The following FHIP1A variants were observed in gnomAD, a reference collection of about 807,000 sequenced individuals.
FHIP1A encodes FHF complex subunit HOOK interacting protein 1A.
In FHIP1A, 61 loss-of-function variants were observed where a neutral mutation model predicts 88.6. The ratio of observed to expected loss-of-function variants is 0.69; its 90% confidence interval spans 0.56 to 0.85. The LOEUF (loss-of-function observed/expected upper bound fraction) is 0.85. Among genes scored for constraint, FHIP1A ranks in the 40% least tolerant of loss-of-function variants. The pLI is 0.00. For missense variants in FHIP1A, 1,154 were observed against 1,273.5 expected (o/e 0.91, Z 1.43); for synonymous variants, 478 against 496.0 (o/e 0.96, Z 0.48).
At chr4:151,573,855 A>G (rs976068857) in intron 4 of FHIP1A, among the ~76,000 whole-genome samples, 1 of 152,190 alleles carries the variant, frequency 6.6e-6, no homozygotes, top group East Asian at 1.9e-4. Flanking sequence ...AAAATAAGGA[A>G]AAGTCCAGGT....
intron 9 of FHIP1A, among the ~76,000 whole-genome samples, chr4:151,641,530 A>AT (rs1201627279): frequency 2.6e-5 from 4 of 152,198 alleles, no homozygotes; most frequent in Non-Finnish European, 5.9e-5. Flanking sequence ...ACATTATGAG[A>AT]TTTTTTTGCA....
rs527669063 is a variant in FHIP1A, at chr4:151,575,415, C to T, written c.106-2035C>T. Among the ~76,000 whole-genome samples the T allele has an allele frequency of 2.0e-5, 3 of 152,134 alleles. No individual in the cohort carries two copies. The East Asian group carries it at 5.8e-4, about 29-fold the overall frequency. On this transcript the variant is annotated intron_variant, in intron 4 of 13. Coordinates refer to ENST00000435205, the MANE Select transcript of FHIP1A (RefSeq NM_001109977.3). ...CAAAGGGATGGGAGAGAACCAGGTCCCAGTGTTGCTGCTGCTAGGAAGGTC... is the reference window on the plus strand; with the variant it reads ...CAAAGGGATGGGAGAGAACCAGGTCTCAGTGTTGCTGCTGCTAGGAAGGTC...
At chr4:151,462,223 A>G (rs1477752593) in intron 2 of FHIP1A, among the ~76,000 whole-genome samples, 1 of 152,172 alleles carries the variant, frequency 6.6e-6, no homozygotes, top group Non-Finnish European at 1.5e-5. Flanking sequence ...AATATGTATC[A>G]TTAAGGTCCT....
intron 8 of FHIP1A, among the ~76,000 whole-genome samples, chr4:151,636,138 A>G (rs561109087): frequency 2.0e-5 from 3 of 152,112 alleles, no homozygotes; most frequent in South Asian, 4.1e-4. Flanking sequence ...CAAGTGGGAT[A>G]TATCAAACTA....
At chr4:151,522,268 A>G (rs1731473900) in intron 3 of FHIP1A, among the ~76,000 whole-genome samples, 1 of 152,150 alleles carries the variant, frequency 6.6e-6, no homozygotes, top group African/African-American at 2.4e-5. Flanking sequence ...GATACAGGGT[A>G]TGGGGGCCAC....
chr4:151,556,976 G>A (rs140173189), intron 3 of FHIP1A, among the ~76,000 whole-genome samples: 12 of 152,056 alleles, frequency 7.9e-5, no homozygotes, highest in South Asian at 2.1e-4. Context: ...CAAATGCCTC[G>A]CTAAGGGATG....
chr4:151,495,623 TTC>T (rs1730432634), intron 3 of FHIP1A, among the ~76,000 whole-genome samples: 1 of 115,666 alleles, frequency 8.6e-6, no homozygotes, highest in Non-Finnish European at 1.9e-5. Flanking sequence ...TTGCTATATA[TTC>T]TTTTTTTTTT....
intron 7 of FHIP1A, among the ~76,000 whole-genome samples, chr4:151,590,546 C>T (rs968227045): frequency 6.6e-6 from 1 of 152,132 alleles, no homozygotes; most frequent in Non-Finnish European, 1.5e-5. Context: ...ATGTCTTCTC[C>T]ACAGTGGTAT....
rs1343707305 is a variant in FHIP1A at position 151,656,022 on chromosome 4, T to C, written c.2552-210T>C. ...CATGGAGTGAAAATGTCAGTAGCCA[T>C]GCCTATTTTTCTGTTTTCTTTTTGC... On this transcript the variant is annotated intron_variant, in intron 11 of 13. Coordinates refer to ENST00000435205, the MANE Select transcript of FHIP1A (RefSeq NM_001109977.3). This position sits in a 1 kb window ranked among gnomAD's most constrained non-coding sequence, Gnocchi z 4.2. 1.3e-5 allele frequency among the ~76,000 whole-genome samples: 2 copies of C among 152,164 alleles called. No homozygotes were observed. The highest frequency in any genetic ancestry group is 2.4e-5 in the African/African-American group (1 of 41,428).
chr4:151,505,322 A>G (rs1471269120), intron 3 of FHIP1A, among the ~76,000 whole-genome samples: 1 of 152,210 alleles, frequency 6.6e-6, no homozygotes, highest in Non-Finnish European at 1.5e-5. Flanking sequence ...GAGGCTATAG[A>G]CAAACATGAT....
At chr4:151,660,945 A>G (rs1163598101) in intron 13 of FHIP1A, among the ~76,000 whole-genome samples, 2 of 152,244 alleles carry the variant, frequency 1.3e-5, no homozygotes, top group African/African-American at 4.8e-5. Flanking sequence ...ACAGAGAGGT[A>G]AAGCAATTTG....
intron 3 of FHIP1A, among the ~76,000 whole-genome samples, chr4:151,542,269 A>G (rs4696266): frequency 0.29 from 44,126 of 151,970 alleles, 6,658 homozygotes; most frequent in Non-Finnish European, 0.34. Context: ...AAAAATAAGT[A>G]ATTGCACAAA....
intron 7 of FHIP1A, among the ~76,000 whole-genome samples, chr4:151,605,067 C>G (rs1052450048): frequency 6.6e-6 from 1 of 151,894 alleles, no homozygotes; most frequent in Admixed American, 6.6e-5. Context: ...GTGGGAGACC[C>G]GTAGAGAGTT....
intron 8 of FHIP1A, among the ~76,000 whole-genome samples, chr4:151,631,278 A>G (rs1344218290): frequency 6.6e-6 from 1 of 152,134 alleles, no homozygotes; most frequent in Non-Finnish European, 1.5e-5. Context: ...AATTACTAAA[A>G]TGAGAAATGA....
chr4:151,547,089 A>G (rs1732535049), intron 3 of FHIP1A, among the ~76,000 whole-genome samples: 1 of 152,194 alleles, frequency 6.6e-6, no homozygotes, highest in African/African-American at 2.4e-5. Flanking sequence ...ACCAGGAGAG[A>G]ATAGTGTGAC....
At chr4:151,571,309 C>T (rs1285233743) in intron 4 of FHIP1A, among the ~76,000 whole-genome samples, 1 of 152,166 alleles carries the variant, frequency 6.6e-6, no homozygotes, top group African/African-American at 2.4e-5. Context: ...TTCTTTCTAC[C>T]TTCAGCCTTT....
chr4:151,523,002 A>T (rs1731500677), intron 3 of FHIP1A, among the ~76,000 whole-genome samples: 1 of 152,200 alleles, frequency 6.6e-6, no homozygotes, highest in Non-Finnish European at 1.5e-5. Flanking sequence ...GATCATTTAT[A>T]CACTGTCACT....
At chr4:151,525,797 T>C (rs1731608808) in intron 3 of FHIP1A, among the ~76,000 whole-genome samples, 1 of 151,802 alleles carries the variant, frequency 6.6e-6, no homozygotes, top group Non-Finnish European at 1.5e-5. Flanking sequence ...CTTGGGTGTT[T>C]CTCGCAGAGG....
intron 3 of FHIP1A, among the ~76,000 whole-genome samples, chr4:151,558,542 A>T (rs915715721): frequency 6.6e-6 from 1 of 151,862 alleles, no homozygotes; most frequent in Non-Finnish European, 1.5e-5. Context: ...CAAACAAAAC[A>T]AAACAAAACA....
Sources: gnomAD v4.1 joint callset for allele counts (sites outside exome capture counted in the v4.1 genomes callset) on GRCh38, gnomAD v4.1.1 for gene constraint, Gnocchi (gnomAD v3.1) non-coding constraint, MANE v1.5 for transcripts, NCBI Gene and HGNC (gene_info 2026-07-23, HGNC 2026-07-21) for gene names.